The following SLC22A23 variants were observed in gnomAD, a reference collection of about 807,000 sequenced individuals.
The protein encoded by SLC22A23 is ion transporter protein.
In SLC22A23, 26 loss-of-function variants were observed where a neutral mutation model predicts 61.0. That is an observed-to-expected ratio of 0.43 (90% CI 0.31 to 0.59). The LOEUF is 0.59. Ranked by LOEUF, SLC22A23 falls within the 20% of genes least tolerant of loss-of-function variation. The probability of loss-of-function intolerance (pLI) is 0.11; values close to 1 mark genes in which losing one functional copy is unlikely to be tolerated. For missense variants in SLC22A23, 796 were observed against 934.7 expected (o/e 0.85, Z 1.94); for synonymous variants, 430 against 413.9 (o/e 1.04, Z -0.47).
chr6:3,340,566 C>T lies in SLC22A23; in HGVS notation c.914-16564G>A, dbSNP rs374400800. ...AAGAACGGCAACTTGGAAAGTGACT[C>T]GATTTCTAACCACAGTATGAGGAGC... On this transcript the variant is annotated intron_variant, in intron 3 of 9. Transcript: ENST00000406686. Among the ~76,000 whole-genome samples, 19 of 152,254 alleles carry T rather than the reference C, an allele frequency of 1.2e-4. 2 individuals are homozygous for T. Among genetic ancestry groups the T allele is most frequent in the Admixed American group, 9.2e-4 (14 of 15,296 alleles).
intron 6 of SLC22A23, among the ~76,000 whole-genome samples, chr6:3,287,482 G>T (rs762044879): frequency 1.3e-5 from 2 of 152,018 alleles, no homozygotes; most frequent in Non-Finnish European, 2.9e-5. Flanking sequence ...CACTTCACAG[G>T]GGCAGGGGGG....
chr6:3,446,959 C>T (rs983373633), intron 1 of SLC22A23, among the ~76,000 whole-genome samples: 2 of 152,154 alleles, frequency 1.3e-5, no homozygotes, highest in Admixed American at 1.3e-4. Context: ...CTACAGGCCT[C>T]GCTGGCTTTC....
chr6:3,311,481 G>A (rs1299540546), intron 4 of SLC22A23, among the ~76,000 whole-genome samples: 5 of 152,166 alleles, frequency 3.3e-5, no homozygotes, highest in Non-Finnish European at 1.5e-5. Context: ...CAAAACTTTT[G>A]CACAAAATAT....
chr6:3,282,645 AC>A (rs1759578018), intron 9 of SLC22A23, among the ~76,000 whole-genome samples: 1 of 152,184 alleles, frequency 6.6e-6, no homozygotes, highest in African/African-American at 2.4e-5. Flanking sequence ...TCACGGCTGA[AC>A]TACTGCCATT....
At chr6:3,383,289 G>A (rs1344028583) in intron 3 of SLC22A23, among the ~76,000 whole-genome samples, 1 of 151,890 alleles carries the variant, frequency 6.6e-6, no homozygotes, top group African/African-American at 2.4e-5. Flanking sequence ...TAACAGATGA[G>A]GTAAAATAAT....
rs897262474 is a variant in SLC22A23 at position 3,372,590 on chromosome 6, C to T, written c.913+37598G>A. ...TACTGGTGGCGTGGCCTGAGGAAAC[C>T]GTGGCTTCCCCCCATGTCTCATGCA... On this transcript the variant is annotated intron_variant, in intron 3 of 9. Transcript: ENST00000406686. The surrounding 1 kb of genome is among the most constrained non-coding windows in gnomAD (Gnocchi z 4.7). 1.3e-5 allele frequency among the ~76,000 whole-genome samples: 2 copies of T among 152,158 alleles called. No individual in the cohort carries two copies. Among genetic ancestry groups the T allele is most frequent in the Non-Finnish European group, 2.9e-5 (2 of 68,022 alleles).
chr6:3,388,788 A>G (rs750147630), intron 3 of SLC22A23, among the ~76,000 whole-genome samples: 2 of 152,218 alleles, frequency 1.3e-5, no homozygotes, highest in Non-Finnish European at 2.9e-5. Flanking sequence ...CCTTGAAGAC[A>G]TGATGCTAAC....
intron 9 of SLC22A23, chr6:3,282,227 G>A (rs1202012577): frequency 1.3e-5 from 9 of 702,456 alleles, no homozygotes; most frequent in Admixed American, 2.0e-5. Context: ...TTCACTTTCC[G>A]TCCTTTAGAC....
intron 1 of SLC22A23, among the ~76,000 whole-genome samples, chr6:3,419,588 G>A (rs1189471236): frequency 6.6e-6 from 1 of 152,164 alleles, no homozygotes; most frequent in Non-Finnish European, 1.5e-5. Flanking sequence ...TGGGTGGTCT[G>A]GGAGCCAACA....
chr6:3,366,332 CAAAAAAAA>C (rs11387672), intron 3 of SLC22A23, among the ~76,000 whole-genome samples: 25 of 74,164 alleles, frequency 3.4e-4, no homozygotes, highest in South Asian at 9.9e-4. Flanking sequence ...GACTCTGTCT[CAAAAAAAA>C]AAAAAAAAAA....
chr6:3,428,194 T>C (rs980670775), intron 1 of SLC22A23, among the ~76,000 whole-genome samples: 1 of 152,194 alleles, frequency 6.6e-6, no homozygotes, highest in Non-Finnish European at 1.5e-5. Flanking sequence ...GACCCTCTCA[T>C]GCCAAGGAGG....
chr6:3,379,511 T>C (rs901636077), intron 3 of SLC22A23, among the ~76,000 whole-genome samples: 1 of 151,932 alleles, frequency 6.6e-6, no homozygotes, highest in Non-Finnish European at 1.5e-5. Flanking sequence ...GACAGGGGAT[T>C]TGGGAGGTGT....
chr6:3,305,464 G>T, intron 4 of SLC22A23, among the ~76,000 whole-genome samples: 1 of 152,228 alleles, frequency 6.6e-6, no homozygotes, highest in East Asian at 1.9e-4. Context: ...GACGCGCTCC[G>T]TGAATTTAAA....
chr6:3,273,087 C>T lies in SLC22A23; in HGVS notation c.2029G>A (p.Gly677Ser), dbSNP rs777228566. 2 of 1,586,208 alleles carry T rather than the reference C, an allele frequency of 1.3e-6. No homozygotes were observed. Among genetic ancestry groups the T allele is most frequent in the East Asian group, 4.5e-5 (2 of 44,472 alleles). Residue 677 changes from glycine to serine, a missense_variant, in exon 10 of 10, where the codon GGT becomes AGT. Gly to Ser is a moderately conservative substitution (Grantham distance 56, BLOSUM62 0). Transcript: ENST00000406686. ...AAAAGDTLPE[G>S]ATANGMKAM ...GCCTTCATGCCGTTGGCCGTGGCAC[C>T]CTCGGGCAGTGTGTCACCCGCGGCT... is the stretch of plus-strand genomic sequence containing the variant.
At chr6:3,277,056 G>GGA (rs1435179808) in intron 9 of SLC22A23, 2 of 152,430 alleles carry the variant, frequency 1.3e-5, no homozygotes, top group Admixed American at 6.5e-5. Flanking sequence ...CATGGGGACA[G>GGA]GAAGATCCGT....
At chr6:3,377,212 C>T (rs1406892288) in intron 3 of SLC22A23, among the ~76,000 whole-genome samples, 1 of 152,138 alleles carries the variant, frequency 6.6e-6, no homozygotes. Context: ...AAACATATGG[C>T]CTGCAAAGCC....
intron 3 of SLC22A23, among the ~76,000 whole-genome samples, chr6:3,358,390 G>A (rs575760569): frequency 3.3e-5 from 5 of 152,252 alleles, no homozygotes; most frequent in East Asian, 1.9e-4. Context: ...ATATGATTCC[G>A]CTTAAGAACG....
At chr6:3,369,726 A>T (rs544434853) in intron 3 of SLC22A23, among the ~76,000 whole-genome samples, 1 of 152,066 alleles carries the variant, frequency 6.6e-6, no homozygotes, top group South Asian at 2.1e-4. Flanking sequence ...ACAAATGTTT[A>T]GGTTCTTATT....
At position 3,329,720 on chromosome 6, in the gene SLC22A23, C is replaced by T. The variant is rs4640930; in HGVS notation, c.914-5718G>A. 7.2e-5 allele frequency among the ~76,000 whole-genome samples: 11 copies of T among 152,180 alleles called. No homozygotes were observed. The South Asian group carries it at 1.0e-3, about 14-fold the overall frequency. On this transcript the variant is annotated intron_variant, in intron 3 of 9. Transcript: ENST00000406686. This position sits in a 1 kb window ranked among gnomAD's most constrained non-coding sequence, Gnocchi z 4.8. Reference sequence around the variant, plus strand: ...GAGAAAACGACACTCACGAAGCACTCGAGCGCACCTGGCTCATACTGAAGC... The same window carrying T: ...GAGAAAACGACACTCACGAAGCACTTGAGCGCACCTGGCTCATACTGAAGC...
Sources: allele counts gnomAD v4.1 joint callset (sites outside exome capture counted in the v4.1 genomes callset), GRCh38; gene constraint gnomAD v4.1.1; non-coding constraint Gnocchi (gnomAD v3.1); transcripts MANE v1.5; gene names NCBI Gene and HGNC (gene_info 2026-07-23, HGNC 2026-07-21).